The following PHF12 variants were observed in gnomAD, a reference collection of about 807,000 sequenced individuals.
The protein encoded by PHF12 is PHD finger protein 12, also known as PHD factor 1.
Under a neutral mutation model 99.8 loss-of-function variants are expected in PHF12, and 6 were observed. The observed-to-expected ratio is 0.06, with a 90% CI of 0.03 to 0.12. The LOEUF (loss-of-function observed/expected upper bound fraction) is 0.12. Ranked by LOEUF, PHF12 falls within the 10% of genes least tolerant of loss-of-function variation. PHF12 has a pLI of 1.00. For synonymous variants in PHF12, 480 were observed against 514.9 expected, an observed-to-expected ratio of 0.93 and a Z score of 0.92; for missense variants, 954 against 1,300.1, an observed-to-expected ratio of 0.73 and a Z score of 4.09.
At chr17:28,946,826 C>T (rs1433076889) in intron 2 of PHF12, among the ~76,000 whole-genome samples, 1 of 152,130 alleles carries the variant, frequency 6.6e-6, no homozygotes, top group African/African-American at 2.4e-5. Flanking sequence ...GCATGAGCCA[C>T]CATACTCGGC....
chr17:28,916,746 T>G (rs1271987574), intron 7 of PHF12, among the ~76,000 whole-genome samples: 1 of 152,212 alleles, frequency 6.6e-6, no homozygotes, highest in Non-Finnish European at 1.5e-5. Context: ...CTTTGGCCAA[T>G]GTCAAGAGCA....
At chr17:28,942,034 T>TCCTCTAAG (rs2152677810) in intron 2 of PHF12, among the ~76,000 whole-genome samples, 1 of 152,260 alleles carries the variant, frequency 6.6e-6, no homozygotes, top group Admixed American at 6.5e-5. Context: ...TTTTTGTACT[T>TCCTCTAAG]CCTCTAAGGC....
At chr17:28,917,254 A>G (rs2040078207) in intron 7 of PHF12, 31 bp downstream of exon 7, 3 of 1,612,046 alleles carry the variant, frequency 1.9e-6, no homozygotes. Context: ...CAGGCAGACT[A>G]CCATCTTGCC....
At chr17:28,912,454 A>G (rs1421741796) in intron 9 of PHF12, 28 bp downstream of exon 9, 1 of 1,537,174 alleles carries the variant, frequency 6.5e-7, no homozygotes, top group East Asian at 2.3e-5. Flanking sequence ...AATTATTCCA[A>G]ATCAACCCAA....
chr17:28,942,791 C>G (rs918406093), intron 2 of PHF12, among the ~76,000 whole-genome samples: 1 of 151,228 alleles, frequency 6.6e-6, no homozygotes, highest in African/African-American at 2.4e-5. Flanking sequence ...ACTCCAGCCT[C>G]GGCGACAGAG....
intron 12 of PHF12, chr17:28,908,332 CTTTTAT>C (rs1355201529): frequency 5.9e-6 from 1 of 168,212 alleles, no homozygotes; most frequent in Non-Finnish European, 1.3e-5. Context: ...CTGATTGTCT[CTTTTAT>C]TTTTGAGACA....
chr17:28,945,530 G>C (rs1219328252), intron 2 of PHF12: 1 of 152,176 alleles, frequency 6.6e-6, no homozygotes, highest in African/African-American at 2.4e-5. Context: ...GTCTGCCGAG[G>C]TAGATGCACT....
At chr17:28,914,859 C>T (rs1280668633) in intron 7 of PHF12, among the ~76,000 whole-genome samples, 1 of 152,084 alleles carries the variant, frequency 6.6e-6, no homozygotes, top group Non-Finnish European at 1.5e-5. Context: ...AAGAGCCACA[C>T]AAGCAAAGAG....
chr17:28,912,774 G>A lies in PHF12; in HGVS notation c.1797C>T (p.Gly599=), dbSNP rs149841489. 1.1e-5 allele frequency: 17 copies of A among 1,613,598 alleles called. No homozygotes were observed. In the African/African-American group the frequency reaches 2.3e-4, roughly 22 times the overall value. Residue 599 remains glycine, a synonymous_variant, in exon 9 of 15, where the codon GGC becomes GGT. Transcript: ENST00000332830. ...TGGCATTCTCTGTCTTCACAATGATGCCGACGGTGTGGTTCTGAAGGCCCC... is the reference window on the plus strand; with the variant it reads ...TGGCATTCTCTGTCTTCACAATGATACCGACGGTGTGGTTCTGAAGGCCCC... ...AAGGLQNHTV[G]IIVKTENATG...
intron 2 of PHF12, among the ~76,000 whole-genome samples, chr17:28,947,241 A>C (rs1480760002): frequency 6.6e-6 from 1 of 151,412 alleles, no homozygotes; most frequent in East Asian, 2.0e-4. Flanking sequence ...TCGGCCTCCC[A>C]AAGTGCTGGG....
Position 28,950,134 on chromosome 17 carries a change from T to C in PHF12, c.179A>G (p.Asp60Gly). Residue 60 changes from aspartate to glycine, a missense_variant, in exon 2 of 15, where the codon GAT (aspartate) becomes GGT (glycine). Physicochemically the swap from Asp to Gly is moderately conservative, Grantham distance 94 (BLOSUM62 -1). Coordinates refer to ENST00000332830, the MANE Select transcript of PHF12 (RefSeq NM_001033561.2). The surrounding 1 kb of genome is among the most constrained non-coding windows in gnomAD (Gnocchi z 5.7). ...SGRATNHDSC[D>G]SCKEGGDLLC... ...GAGATCTCCACCTTCCTTGCAGCTA[T>C]CGCAGCTGTCGTGGTTGGTGGCCCT... The C allele has an allele frequency of 6.2e-7, 1 of 1,613,922 alleles. No individual in the cohort carries two copies. The highest frequency in any genetic ancestry group is 8.5e-7 in the Non-Finnish European group (1 of 1,179,994).
chr17:28,930,736 G>A (rs186655635), intron 2 of PHF12, among the ~76,000 whole-genome samples: 1 of 152,308 alleles, frequency 6.6e-6, no homozygotes, highest in East Asian at 1.9e-4. Flanking sequence ...GTAGCATCTT[G>A]CTAGTTTCTA....
intron 11 of PHF12, chr17:28,909,413 C>G (rs1200519169): frequency 6.5e-6 from 1 of 154,764 alleles, no homozygotes; most frequent in African/African-American, 2.4e-5. Flanking sequence ...TGCTGCTGGT[C>G]TGCGAACCAC....
intron 11 of PHF12, chr17:28,909,200 A>C (rs2039918593): frequency 3.4e-6 from 1 of 292,130 alleles, no homozygotes. Flanking sequence ...GAGAATATGG[A>C]AAAACAGACG....
rs981885309 is a variant in PHF12 at position 28,919,426 on chromosome 17, A to G, written c.837-151T>C. 3 of 1,100,012 alleles carry G rather than the reference A, an allele frequency of 2.7e-6. No homozygotes were observed. In the African/African-American group the frequency reaches 4.7e-5, roughly 17 times the overall value. The allele number at this position is 1,100,012 out of a possible 1,614,324, so 68.1% of individuals were successfully genotyped here. A position where few individuals can be genotyped will look rare whatever the true frequency, so the allele number is the denominator to read the frequency against. The stretch of plus-strand genomic sequence containing the variant: ...CCTATCTTCCTCCAGTGATTCAGTT[A>G]CATTTATGATTAGAAAGATGGATGG... On this transcript the variant is annotated intron_variant, in intron 5 of 14. Coordinates refer to ENST00000332830, the MANE Select transcript of PHF12 (RefSeq NM_001033561.2).
At chr17:28,921,414 G>A (rs1234729131) in intron 5 of PHF12, among the ~76,000 whole-genome samples, 1 of 152,050 alleles carries the variant, frequency 6.6e-6, no homozygotes, top group Non-Finnish European at 1.5e-5. Context: ...CAATCTGACC[G>A]CCTCGGCCTC....
chr17:28,920,751 T>TG (rs1445042063), intron 5 of PHF12, among the ~76,000 whole-genome samples: 2 of 152,110 alleles, frequency 1.3e-5, no homozygotes, highest in Non-Finnish European at 2.9e-5. Flanking sequence ...TTAGTAGAGA[T>TG]GGAGTTTCAC....
At chr17:28,935,632 T>C (rs1038602263) in intron 2 of PHF12, among the ~76,000 whole-genome samples, 1 of 152,222 alleles carries the variant, frequency 6.6e-6, no homozygotes, top group African/African-American at 2.4e-5. Context: ...ATAAAGCTGT[T>C]CATAACAGTA....
Position 28,907,584 on chromosome 17 carries a change from C to G in PHF12, c.2541+6G>C. Reference sequence around the variant, plus strand: ...AGCTCCCTCCCACCGCATCTCCGGCCCTCACCTCATCGTAGAATATGCAGG... The same window carrying G: ...AGCTCCCTCCCACCGCATCTCCGGCGCTCACCTCATCGTAGAATATGCAGG... On this transcript the variant is annotated splice_donor_region_variant and intron_variant, in intron 13 of 14. Coordinates refer to ENST00000332830, the MANE Select transcript of PHF12 (RefSeq NM_001033561.2). 6.2e-7 allele frequency: 1 copy of G among 1,613,874 alleles called. No homozygotes were observed. The highest frequency in any genetic ancestry group is 8.5e-7 in the Non-Finnish European group (1 of 1,179,842).
Sources: gnomAD v4.1 joint callset for allele counts (sites outside exome capture counted in the v4.1 genomes callset) on GRCh38, gnomAD v4.1.1 for gene constraint, Gnocchi (gnomAD v3.1) non-coding constraint, MANE v1.5 for transcripts, NCBI Gene and HGNC (gene_info 2026-07-23, HGNC 2026-07-21) for gene names.